Variants in CHPT1 observed in about 807,000 individuals in gnomAD.
CHPT1 encodes cholinephosphotransferase 1.
In CHPT1, 36 loss-of-function variants were observed where a neutral mutation model predicts 47.6. The observed-to-expected ratio is 0.76, with a 90% CI of 0.58 to 1.00. The LOEUF (loss-of-function observed/expected upper bound fraction) is 1.00. CHPT1 is among the 50% of genes least tolerant of loss of function. The pLI, the probability that CHPT1 is intolerant of heterozygous loss-of-function variation, is 0.00. For synonymous variants in CHPT1, 194 were observed against 186.3 expected, an observed-to-expected ratio of 1.04 and a Z score of -0.33; for missense variants, 458 against 498.1, an observed-to-expected ratio of 0.92 and a Z score of 0.77.
Position 101,723,182 on chromosome 12 carries a change from G to T in CHPT1, c.795G>T (p.Leu265Phe), listed in dbSNP as rs1468444189. 5.0e-6 allele frequency: 8 copies of T among 1,612,414 alleles called. No homozygotes were observed. The highest frequency in any genetic ancestry group is 6.8e-6 in the Non-Finnish European group (8 of 1,178,980). The change falls in exon 6 of 9, where the codon TTG becomes TTT. Residue 265 changes from leucine (L) to phenylalanine (F), a missense_variant. By Grantham distance (22) the Leu-to-Phe change is conservative. Coordinates refer to ENST00000229266, the MANE Select transcript of CHPT1 (RefSeq NM_020244.3). ...TTATCCCTTAGGGCACCAGTGTCTT[G>T]TCACCTGGACTCCACATAGGACTAA... ...NGSTIAGTSVLSPGLHIGLII... is the reference protein window; with the variant it reads ...NGSTIAGTSVFSPGLHIGLII...
chr12:101,709,408 A>G (rs1192179854), intron 1 of CHPT1, among the ~76,000 whole-genome samples: 1 of 147,010 alleles, frequency 6.8e-6, no homozygotes, highest in Admixed American at 7.0e-5. Flanking sequence ...AAAAAAAAAA[A>G]AAGTCTAATC....
In CHPT1 at chr12:101,717,513, A is replaced by G. The variant is rs1566040730; in HGVS notation, c.648+701A>G. 2.9e-4 allele frequency: 82 copies of G among 280,522 alleles called. 1 individual carries two copies. The South Asian group carries it at 3.0e-3, about 10-fold the overall frequency. 17.4% of individuals were successfully genotyped at this position (280,522 alleles called of 1,614,324 possible). A position where few individuals can be genotyped will look rare whatever the true frequency, so the allele number is the denominator to read the frequency against. On this transcript the variant is annotated intron_variant, in intron 4 of 8. Coordinates refer to ENST00000229266, the MANE Select transcript of CHPT1 (RefSeq NM_020244.3). The stretch of plus-strand genomic sequence containing the variant: ...TCATTCAATACTTATGTTCCTAAAC[A>G]TTCACCATCTGCCCCTCAGTTTTAT...
chr12:101,702,589 A>C (rs1951569287), intron 1 of CHPT1, among the ~76,000 whole-genome samples: 1 of 152,072 alleles, frequency 6.6e-6, no homozygotes, highest in Non-Finnish European at 1.5e-5. Context: ...TTATAGAGTT[A>C]TTTTGGGGGG....
At chr12:101,723,697 A>C (rs776680337) in intron 6 of CHPT1, 25 bp from the exon 7 acceptor site, 5 of 1,367,690 alleles carry the variant, frequency 3.7e-6, no homozygotes, top group Non-Finnish European at 5.0e-6. Context: ...TAATAGTAAA[A>C]TTATTTTGTT....
intron 4 of CHPT1, among the ~76,000 whole-genome samples, chr12:101,719,221 T>C (rs910467055): frequency 6.6e-6 from 1 of 151,782 alleles, no homozygotes; most frequent in Non-Finnish European, 1.5e-5. Flanking sequence ...ACTCTAGTTA[T>C]TAAGTCAGGT....
At chr12:101,727,170 A>G (rs1213958372) in intron 8 of CHPT1, 1 of 142,358 alleles carries the variant, frequency 7.0e-6, no homozygotes, top group Non-Finnish European at 1.5e-5. Flanking sequence ...GTCAGTTGAC[A>G]TGTAAGAAAA....
At chr12:101,703,168 C>T (rs1226503705) in intron 1 of CHPT1, among the ~76,000 whole-genome samples, 2 of 152,174 alleles carry the variant, frequency 1.3e-5, no homozygotes, top group African/African-American at 4.8e-5. Flanking sequence ...AACCAGACCA[C>T]TTGGGTTTTG....
At chr12:101,727,438 A>ATTT (rs1951983398) in intron 8 of CHPT1, 1 of 151,744 alleles carries the variant, frequency 6.6e-6, no homozygotes, top group Admixed American at 6.6e-5. Context: ...ATCTGACCCT[A>ATTT]TTTATTTTTA....
At chr12:101,702,581 A>G (rs1247500522) in intron 1 of CHPT1, among the ~76,000 whole-genome samples, 2 of 152,186 alleles carry the variant, frequency 1.3e-5, no homozygotes, top group Non-Finnish European at 2.9e-5. Flanking sequence ...ATTACATATT[A>G]TAGAGTTATT....
chr12:101,706,775 C>G (rs1017401327), intron 1 of CHPT1, among the ~76,000 whole-genome samples: 1 of 152,154 alleles, frequency 6.6e-6, no homozygotes, highest in African/African-American at 2.4e-5. Context: ...CAATTAATGA[C>G]TTATGTGGAA....
chr12:101,722,423 T>C (rs1299060906), intron 5 of CHPT1, among the ~76,000 whole-genome samples: 1 of 152,062 alleles, frequency 6.6e-6, no homozygotes, highest in African/African-American at 2.4e-5. Context: ...CAATATTTTA[T>C]TTAGGATAAG....
chr12:101,711,214 G>A (rs1050657554), intron 1 of CHPT1, among the ~76,000 whole-genome samples: 8 of 148,520 alleles, frequency 5.4e-5, no homozygotes, highest in African/African-American at 9.7e-5. Flanking sequence ...AATCATCGCC[G>A]TAAAAAGATA....
intron 1 of CHPT1, among the ~76,000 whole-genome samples, chr12:101,709,770 T>C (rs1442359423): frequency 6.7e-6 from 1 of 148,352 alleles, no homozygotes; most frequent in African/African-American, 2.4e-5. Context: ...AAGTGTATTG[T>C]GTGAGGGGGA....
At position 101,723,701 on chromosome 12, in the gene CHPT1, TTTTG is replaced by T. The variant is rs764915335; in HGVS notation, c.940-17_940-14del. ...CATTTAAAACTTAATAGTAAAATTA[TTTTG>T]TTTAATTTTTTTATAGGTAGCTCAC... On this transcript the variant is annotated splice_polypyrimidine_tract_variant and intron_variant, in intron 6 of 8. Transcript: ENST00000229266. 3.2e-5 allele frequency: 44 copies of T among 1,391,448 alleles called. No individual in the cohort carries two copies. The highest frequency in any genetic ancestry group is 5.3e-5 in the Admixed American group (2 of 37,624). 86.2% of individuals were successfully genotyped at this position (1,391,448 alleles called of 1,614,324 possible).
At chr12:101,706,522 A>G (rs772836486) in intron 1 of CHPT1, among the ~76,000 whole-genome samples, 1 of 152,174 alleles carries the variant, frequency 6.6e-6, no homozygotes, top group African/African-American at 2.4e-5. Context: ...ACCTAAGAAC[A>G]TGTTCCAGAA....
intron 4 of CHPT1, among the ~76,000 whole-genome samples, chr12:101,718,533 A>G (rs1951798763): frequency 6.6e-6 from 1 of 151,934 alleles, no homozygotes; most frequent in African/African-American, 2.4e-5. Context: ...GGTGGCATGC[A>G]CCTGTAGTCC....
At chr12:101,703,034 C>G (rs559927310) in intron 1 of CHPT1, among the ~76,000 whole-genome samples, 8 of 152,306 alleles carry the variant, frequency 5.3e-5, no homozygotes, top group African/African-American at 1.9e-4. Context: ...TACTTAATTC[C>G]TAACGAATAA....
intron 1 of CHPT1, among the ~76,000 whole-genome samples, chr12:101,704,584 A>T (rs1184335883): frequency 1.3e-5 from 2 of 148,928 alleles, no homozygotes; most frequent in Non-Finnish European, 3.0e-5. Context: ...TGTTTTTAGT[A>T]GAGATGGGGT....
intron 5 of CHPT1, among the ~76,000 whole-genome samples, chr12:101,722,145 A>C (rs529598992): frequency 6.6e-4 from 101 of 152,308 alleles, no homozygotes; most frequent in Non-Finnish European, 1.0e-3. Context: ...GTTGGTTTCA[A>C]ACTCTTAAAC....
Sources: allele counts gnomAD v4.1 joint callset (sites outside exome capture counted in the v4.1 genomes callset), GRCh38; gene constraint gnomAD v4.1.1; transcripts MANE v1.5; gene names NCBI Gene and HGNC (gene_info 2026-07-23, HGNC 2026-07-21).